The following DOCK3 variants were observed in gnomAD, a reference collection of about 807,000 sequenced individuals.
DOCK3 encodes the protein dedicator of cytokinesis 3.
DOCK3 carries 60 observed loss-of-function variants against 265.6 expected under a neutral mutation model. The ratio of observed to expected loss-of-function variants is 0.23; its 90% CI spans 0.18 to 0.28. The LOEUF is 0.28. DOCK3 is among the 10% of genes least tolerant of loss of function. The pLI, the probability that DOCK3 is intolerant of heterozygous loss-of-function variation, is 1.00. For synonymous variants in DOCK3, 881 were observed against 938.0 expected (o/e 0.94, Z 1.11); for missense variants, 1,981 against 2,594.3 (o/e 0.76, Z 5.14).
chr3:51,324,933 C>G (rs528146179), intron 32 of DOCK3, among the ~76,000 whole-genome samples: 6 of 152,238 alleles, frequency 3.9e-5, no homozygotes, highest in East Asian at 1.9e-4. Flanking sequence ...GGATTAAAGA[C>G]TTTAAATATA....
At chr3:51,064,739 G>A (rs554834851) in intron 6 of DOCK3, 143 bp downstream of exon 6, 1 of 1,151,614 alleles carries the variant, frequency 8.7e-7, no homozygotes, top group African/African-American at 1.5e-5. Flanking sequence ...ATTTTTGCTA[G>A]GAGCAGTTAT....
At chr3:50,858,888 T>C (rs2046760879) in intron 3 of DOCK3, among the ~76,000 whole-genome samples, 1 of 152,144 alleles carries the variant, frequency 6.6e-6, no homozygotes, top group Non-Finnish European at 1.5e-5. Context: ...CTCTGTCTTA[T>C]TTTAGAGAGC....
intron 10 of DOCK3, among the ~76,000 whole-genome samples, chr3:51,148,301 A>G (rs956318008): frequency 7.2e-5 from 11 of 152,204 alleles, no homozygotes; most frequent in Admixed American, 5.2e-4. Context: ...TTGCCTGTTC[A>G]CTCTGATGGC....
rs866825526 is a variant in DOCK3 at position 50,683,847 on chromosome 3, C to G, written c.37+8547C>G. Among the ~76,000 whole-genome samples, 31 of 103,450 alleles carry G rather than the reference C, an allele frequency of 3.0e-4. 1 individual carries two copies. Among genetic ancestry groups the G allele is most frequent in the Non-Finnish European group, 5.3e-4 (26 of 49,224 alleles). 67.9% of individuals were successfully genotyped at this position (103,450 alleles called of 152,430 possible). On this transcript the variant is annotated intron_variant, in intron 1 of 52. Transcript: ENST00000266037. ...CCTCCCCGCTCTCCTCCCCCCCCCC[C>G]ACCCACTCCCTCTCCCCTCTCCTCT...
Position 51,333,228 on chromosome 3 carries a change from C to T in DOCK3, c.3586C>T (p.Leu1196Phe). ...TTCCTTTGTGACCTCAGTCACCCGC[C>T]TCATGGAACGTCTTCTTGACTACAG... is the stretch of plus-strand genomic sequence containing the variant. The part of the protein sequence containing the change: ...GISFVTSVTR[L>F]MERLLDYRDC... Residue 1196 changes from leucine (L) to phenylalanine (F), a missense_variant, in exon 35 of 53, where the codon CTC becomes TTC. This residue lies in a region of DOCK3 where 1,357 missense variants were observed against 1,866.8 expected (regional missense o/e 0.73). Transcript: ENST00000266037. 1 of 1,613,446 alleles carries T rather than the reference C, an allele frequency of 6.2e-7. No homozygotes were observed. Among genetic ancestry groups the T allele is most frequent in the Non-Finnish European group, 8.5e-7 (1 of 1,179,900 alleles).
At chr3:51,058,667 A>G (rs1459481730) in intron 5 of DOCK3, among the ~76,000 whole-genome samples, 2 of 152,162 alleles carry the variant, frequency 1.3e-5, no homozygotes, top group Admixed American at 6.5e-5. Flanking sequence ...ACAGAAGTTT[A>G]TTTATCACAT....
intron 1 of DOCK3, among the ~76,000 whole-genome samples, chr3:50,764,287 G>A (rs1181845920): frequency 1.3e-5 from 2 of 151,982 alleles, no homozygotes; most frequent in African/African-American, 2.4e-5. Context: ...CTTCATACCC[G>A]TGGGTTCTGC....
At chr3:50,802,237 T>C (rs1209457832) in intron 2 of DOCK3, among the ~76,000 whole-genome samples, 3 of 152,212 alleles carry the variant, frequency 2.0e-5, no homozygotes, top group African/African-American at 7.2e-5. Flanking sequence ...TACTGTTTTC[T>C]GATTGTTTTG....
At chr3:51,325,230 C>T (rs966316303) in intron 32 of DOCK3, among the ~76,000 whole-genome samples, 1 of 151,868 alleles carries the variant, frequency 6.6e-6, no homozygotes, top group Non-Finnish European at 1.5e-5. Context: ...AAAAAAAAAC[C>T]CTATCAAAAG....
chr3:50,799,381 C>T (rs1434600595), intron 2 of DOCK3, among the ~76,000 whole-genome samples: 2 of 152,004 alleles, frequency 1.3e-5, no homozygotes, highest in East Asian at 1.9e-4. Context: ...GGGTCCTCTT[C>T]GATTTCTTTT....
At chr3:50,884,261 T>G (rs1297731726) in intron 3 of DOCK3, among the ~76,000 whole-genome samples, 1 of 152,146 alleles carries the variant, frequency 6.6e-6, no homozygotes, top group Non-Finnish European at 1.5e-5. Context: ...CAGCTAATTT[T>G]TGTAGTTTTA....
intron 6 of DOCK3, among the ~76,000 whole-genome samples, chr3:51,072,463 G>A (rs980489362): frequency 6.6e-6 from 1 of 151,644 alleles, no homozygotes; most frequent in African/African-American, 2.4e-5. Context: ...ACGGGAGTGT[G>A]GTGGCATGAT....
intron 10 of DOCK3, among the ~76,000 whole-genome samples, chr3:51,151,990 A>G (rs954472754): frequency 2.0e-5 from 3 of 151,934 alleles, no homozygotes; most frequent in Non-Finnish European, 2.9e-5. Flanking sequence ...TGCTCTTCTC[A>G]AGGAGTATCT....
Position 51,326,329 on chromosome 3 carries a change from C to T in DOCK3, c.3403-3809C>T, listed in dbSNP as rs1162423672. On this transcript the variant is annotated intron_variant, in intron 32 of 52. Transcript: ENST00000266037. ...AGGCTGGAGTGCAGCAGCATGATCTCGGCTCACTGCAACCTCTGCCTCCCG... is the reference window on the plus strand; with the variant it reads ...AGGCTGGAGTGCAGCAGCATGATCTTGGCTCACTGCAACCTCTGCCTCCCG... Among the ~76,000 whole-genome samples, 89 of 150,206 alleles carry T rather than the reference C, an allele frequency of 5.9e-4. 1 individual carries two copies. Among genetic ancestry groups the T allele is most frequent in the Admixed American group, 1.3e-3 (20 of 15,108 alleles).
At chr3:51,185,349 T>C (rs1021000673) in intron 12 of DOCK3, among the ~76,000 whole-genome samples, 1 of 152,162 alleles carries the variant, frequency 6.6e-6, no homozygotes, top group Non-Finnish European at 1.5e-5. Context: ...AAAATTCTTA[T>C]AAAGAGTGCA....
At position 51,375,827 on chromosome 3, in the gene DOCK3, C is replaced by T. The variant is rs1209890597; in HGVS notation, c.5492C>T (p.Ala1831Val). 1 of 1,614,008 alleles carries T rather than the reference C, an allele frequency of 6.2e-7. No homozygotes were observed. Among genetic ancestry groups the T allele is most frequent in the Non-Finnish European group, 8.5e-7 (1 of 1,179,886 alleles). Residue 1831 changes from alanine to valine, a missense_variant, in exon 51 of 53, where the codon GCT becomes GTT. By Grantham distance (64) the Ala-to-Val change is moderately conservative. This residue lies in a region of DOCK3 where 1,357 missense variants were observed against 1,866.8 expected (regional missense o/e 0.73). Coordinates refer to ENST00000266037, the MANE Select transcript of DOCK3 (RefSeq NM_004947.5). ...KPCSDPNLSV[A>V]EKGHYSLHFD... ...TGCAGTGATCCCAATCTGTCTGTGG[C>T]TGAAAAAGGTATTGTTGCCCAGGTG...
At chr3:50,948,573 CTTCTTTTTCTT>C (rs777969044) in intron 5 of DOCK3, among the ~76,000 whole-genome samples, 1 of 151,452 alleles carries the variant, frequency 6.6e-6, no homozygotes, top group Non-Finnish European at 1.5e-5. Context: ...TTTCTTTTCT[CTTCTTTTTCTT>C]TTCTTTTCTC....
At chr3:51,110,170 T>C (rs2109827540) in intron 9 of DOCK3, among the ~76,000 whole-genome samples, 1 of 152,088 alleles carries the variant, frequency 6.6e-6, no homozygotes, top group African/African-American at 2.4e-5. Context: ...CAGTAATAAA[T>C]AGCCTACCAG....
chr3:51,159,155 C>T (rs1171091206), intron 10 of DOCK3, 89 bp from the exon 11 acceptor site: 1 of 1,273,960 alleles, frequency 7.8e-7, no homozygotes, highest in Non-Finnish European at 1.1e-6. Flanking sequence ...CTATAACATA[C>T]AGTAAAAGCA....
Sources: allele counts gnomAD v4.1 joint callset (sites outside exome capture counted in the v4.1 genomes callset), GRCh38; gene constraint gnomAD v4.1.1; regional missense constraint gnomAD v4.1.1; transcripts MANE v1.5; gene names NCBI Gene and HGNC (gene_info 2026-07-23, HGNC 2026-07-21).